The following ARHGEF26 variants were observed in gnomAD, a reference collection of about 807,000 sequenced individuals.
ARHGEF26 encodes the protein Rho guanine nucleotide exchange factor 26, also known as Rho guanine nucleotide exchange factor (GEF) 26.
A neutral mutation model predicts 89.4 loss-of-function variants in ARHGEF26; 59 were observed. The observed-to-expected ratio is 0.66, with a 90% CI of 0.54 to 0.82. ARHGEF26 has a LOEUF of 0.82. Ranked by LOEUF, ARHGEF26 falls within the 40% of genes least tolerant of loss-of-function variation. The probability of loss-of-function intolerance (pLI) is 0.00; values close to 1 mark genes in which losing one functional copy is unlikely to be tolerated. For missense variants in ARHGEF26, 1,234 were observed against 1,085.6 expected, an observed-to-expected ratio of 1.14 and a Z score of -1.92; for synonymous variants, 500 against 428.4, an observed-to-expected ratio of 1.17 and a Z score of -2.06.
intron 5 of ARHGEF26, among the ~76,000 whole-genome samples, chr3:154,150,543 A>T (rs1378672630): frequency 6.6e-6 from 1 of 152,136 alleles, no homozygotes; most frequent in African/African-American, 2.4e-5. Flanking sequence ...GAGATTATTC[A>T]TGTTAATGCA....
rs1302868312 is a variant in ARHGEF26 at position 154,187,706 on chromosome 3, A to C, written c.1509A>C (p.Ala503=). 6.2e-7 allele frequency: 1 copy of C among 1,608,474 alleles called. No individual in the cohort carries two copies. Among genetic ancestry groups the C allele is most frequent in the Non-Finnish European group, 8.5e-7 (1 of 1,177,292 alleles). ...ASKKFFIELE[A]RHQNNIFIDD... ...TCAGGTTCTTTATAGAGTTGGAAGC[A>C]AGACATCAGAATAATATCTTCATAG... Residue 503 remains alanine, a synonymous_variant, in exon 7 of 15, where the codon GCA becomes GCC. Transcript: ENST00000465093.
intron 11 of ARHGEF26, among the ~76,000 whole-genome samples, chr3:154,229,422 T>G (rs754532502): frequency 5.9e-5 from 9 of 152,214 alleles, no homozygotes; most frequent in Non-Finnish European, 1.0e-4. Context: ...TGAGTCACTC[T>G]GTTAATAGCC....
chr3:154,167,371 G>A (rs977488468), intron 6 of ARHGEF26, among the ~76,000 whole-genome samples: 6 of 152,134 alleles, frequency 3.9e-5, no homozygotes, highest in Admixed American at 3.3e-4. Flanking sequence ...TAGGACCTTG[G>A]CCTGGATGGG....
At chr3:154,202,465 G>A (rs1460025593) in intron 9 of ARHGEF26, among the ~76,000 whole-genome samples, 1 of 152,110 alleles carries the variant, frequency 6.6e-6, no homozygotes, top group Non-Finnish European at 1.5e-5. Flanking sequence ...TTTTGGCTTA[G>A]GATTGACTTG....
At chr3:154,250,793 G>C (rs73875334) in intron 12 of ARHGEF26, among the ~76,000 whole-genome samples, 1 of 152,174 alleles carries the variant, frequency 6.6e-6, no homozygotes, top group Non-Finnish European at 1.5e-5. Flanking sequence ...TTTTGTTTTC[G>C]ATTGGCTTTG....
intron 4 of ARHGEF26, among the ~76,000 whole-genome samples, chr3:154,146,145 A>C (rs751615896): frequency 5.3e-5 from 8 of 152,198 alleles, no homozygotes; most frequent in Non-Finnish European, 1.0e-4. Context: ...GTCCAAAATC[A>C]AGGCAGATTT....
intron 12 of ARHGEF26, among the ~76,000 whole-genome samples, chr3:154,246,232 T>G (rs1441886687): frequency 6.6e-6 from 1 of 151,962 alleles, no homozygotes; most frequent in Non-Finnish European, 1.5e-5. Flanking sequence ...AAATGCAGAG[T>G]CAGAATGTTT....
In ARHGEF26 at chr3:154,240,441, A is replaced by G; in HGVS notation, c.2162A>G (p.Glu721Gly). ...TTGGTGGAATCTTGTGACAATGAAG[A>G]GCTTAATTCTTCTCCAGGGAAGAAC... Reference protein sequence around the residue: ...QLLVESCDNEELNSSPGKNSS... With the variant: ...QLLVESCDNEGLNSSPGKNSS... The change falls in exon 12 of 15, where the codon GAG becomes GGG. Residue 721 changes from glutamate to glycine, a missense_variant. Physicochemically the swap from Glu to Gly is moderately conservative, Grantham distance 98 (BLOSUM62 -2). Coordinates refer to ENST00000465093, the MANE Select transcript of ARHGEF26 (RefSeq NM_015595.4). 1 of 1,613,662 alleles carries G rather than the reference A, an allele frequency of 6.2e-7. No homozygotes were observed. The highest frequency in any genetic ancestry group is 1.1e-5 in the South Asian group (1 of 90,996).
intron 6 of ARHGEF26, among the ~76,000 whole-genome samples, chr3:154,180,127 T>C (rs1713090367): frequency 6.6e-6 from 1 of 152,156 alleles, no homozygotes; most frequent in South Asian, 2.1e-4. Context: ...TCCTCCTGCC[T>C]CCCTCTCTTA....
chr3:154,211,845 A>G (rs139983785), intron 9 of ARHGEF26, among the ~76,000 whole-genome samples: 3 of 130,478 alleles, frequency 2.3e-5, no homozygotes, highest in South Asian at 2.8e-4. Flanking sequence ...AAAATAATGT[A>G]TATGTGTGTG....
At chr3:154,187,311 G>A in intron 6 of ARHGEF26, 1 of 739,966 alleles carries the variant, frequency 1.4e-6, no homozygotes, top group Non-Finnish European at 1.6e-6. Context: ...AATGAAATAT[G>A]TTTAGTCTAA....
chr3:154,152,553 A>G (rs987459118), intron 5 of ARHGEF26, among the ~76,000 whole-genome samples: 1 of 152,036 alleles, frequency 6.6e-6, no homozygotes, highest in African/African-American at 2.4e-5. Flanking sequence ...TTTTTTTCAT[A>G]TTTACAGATA....
At position 154,124,274 on chromosome 3, in the gene ARHGEF26, C is replaced by T. The variant is rs1159690142; in HGVS notation, c.1084-136C>T. 4.7e-6 allele frequency: 3 copies of T among 638,070 alleles called. No homozygotes were observed. The African/African-American group carries it at 5.8e-5, about 12-fold the overall frequency. 39.5% of individuals were successfully genotyped at this position (638,070 alleles called of 1,614,324 possible). A position where few individuals can be genotyped will look rare whatever the true frequency, so the allele number is the denominator to read the frequency against. ...TCCTCCAGGGCTCAGCTTCTGTGCGCTCTTGGAAATCTAATTAATGTAATG... is the reference window on the plus strand; with the variant it reads ...TCCTCCAGGGCTCAGCTTCTGTGCGTTCTTGGAAATCTAATTAATGTAATG... On this transcript the variant is annotated intron_variant, in intron 2 of 14. Coordinates refer to ENST00000465093, the MANE Select transcript of ARHGEF26 (RefSeq NM_015595.4).
At chr3:154,170,725 G>C (rs530819115) in intron 6 of ARHGEF26, among the ~76,000 whole-genome samples, 1 of 152,194 alleles carries the variant, frequency 6.6e-6, no homozygotes, top group East Asian at 1.9e-4. Flanking sequence ...CATTAGACTA[G>C]CTCCTGGTAT....
intron 8 of ARHGEF26, among the ~76,000 whole-genome samples, chr3:154,191,907 G>A (rs998252830): frequency 6.6e-6 from 1 of 152,236 alleles, no homozygotes; most frequent in Non-Finnish European, 1.5e-5. Context: ...TGCATTGTGC[G>A]AAGTGAGTGA....
chr3:154,133,510 A>C (rs1718812878), intron 4 of ARHGEF26, among the ~76,000 whole-genome samples: 1 of 151,418 alleles, frequency 6.6e-6, no homozygotes, highest in African/African-American at 2.4e-5. Flanking sequence ...GTAGAAGATC[A>C]GATAGTTGTA....
chr3:154,231,913 T>G (rs181547), intron 11 of ARHGEF26, among the ~76,000 whole-genome samples: 132,236 of 149,552 alleles, frequency 0.88, 58,491 homozygotes, highest in East Asian at 0.98. Flanking sequence ...TTTTTTTTTT[T>G]CACTATTCCT....
In ARHGEF26 at chr3:154,147,814, CCT is replaced by C. The variant is rs1489430235; in HGVS notation, c.1270-1570_1270-1569del. ...CTTTTCCTTTCTTCCTCCCTCCCTT[CCT>C]CTCTGCCTTTCTTCCTTATTTCCAC... On this transcript the variant is annotated intron_variant, in intron 4 of 14. Transcript: ENST00000465093. 5.3e-5 allele frequency among the ~76,000 whole-genome samples: 8 copies of C among 152,226 alleles called. No homozygotes were observed. The East Asian group carries it at 1.5e-3, about 29-fold the overall frequency.
chr3:154,143,302 T>A (rs76651014), intron 4 of ARHGEF26, among the ~76,000 whole-genome samples: 9,286 of 152,278 alleles, frequency 0.061, 394 homozygotes, highest in Non-Finnish European at 0.092. Flanking sequence ...ATCAATAATG[T>A]AGTAATAGTT....
Sources: allele counts gnomAD v4.1 joint callset (sites outside exome capture counted in the v4.1 genomes callset), GRCh38; gene constraint gnomAD v4.1.1; transcripts MANE v1.5; gene names NCBI Gene and HGNC (gene_info 2026-07-23, HGNC 2026-07-21).